PDLIM3: variants seen among roughly 807,000 people sequenced by gnomAD.
PDLIM3 encodes the protein PDZ and LIM domain protein 3.
Under a neutral mutation model 37.3 loss-of-function variants are expected in PDLIM3, and 36 were observed. The ratio of observed to expected loss-of-function variants is 0.97; its 90% CI spans 0.74 to 1.28. The LOEUF (loss-of-function observed/expected upper bound fraction) is 1.28. PDLIM3 is among the 50% of genes most tolerant of loss of function. The probability of loss-of-function intolerance (pLI) is 0.00; values close to 1 mark genes in which losing one functional copy is unlikely to be tolerated. For synonymous variants in PDLIM3, 174 were observed against 182.4 expected (o/e 0.95, Z 0.37); for missense variants, 454 against 485.0 (o/e 0.94, Z 0.60).
At chr4:185,532,546 C>A (rs577371719) in intron 1 of PDLIM3, among the ~76,000 whole-genome samples, 1 of 152,044 alleles carries the variant, frequency 6.6e-6, no homozygotes, top group African/African-American at 2.4e-5. Context: ...AGCAAAGACA[C>A]GTCAGGGAAA....
intron 1 of PDLIM3, 92 bp from the exon 2 acceptor site, chr4:185,525,263 TA>T (rs1318680443): frequency 1.6e-6 from 2 of 1,250,762 alleles, no homozygotes; most frequent in Non-Finnish European, 2.3e-6. Flanking sequence ...GGTAACATTT[TA>T]AATGTTTAAT....
At chr4:185,515,186 A>C (rs1227563465) in intron 3 of PDLIM3, 1 of 198,490 alleles carries the variant, frequency 5.0e-6, no homozygotes, top group East Asian at 1.2e-4. Flanking sequence ...TATAGCTTTA[A>C]GAAATTCTAA....
intron 1 of PDLIM3, among the ~76,000 whole-genome samples, chr4:185,534,062 T>C (rs2095749299): frequency 6.6e-6 from 1 of 152,200 alleles, no homozygotes; most frequent in Non-Finnish European, 1.5e-5. Context: ...AGGAACGTTT[T>C]TGGGGGTATG....
chr4:185,504,454 A>G lies in PDLIM3; in HGVS notation c.905+21T>C, dbSNP rs1289170146. 1.3e-6 allele frequency: 2 copies of G among 1,567,590 alleles called. No homozygotes were observed. The highest frequency in any genetic ancestry group is 1.8e-6 in the Non-Finnish European group (2 of 1,138,002). On this transcript the variant is annotated intron_variant, in intron 7 of 7. Transcript: ENST00000284767. This position sits in a 1 kb window ranked among gnomAD's most constrained non-coding sequence, Gnocchi z 4.7. ...GTCGCCAAGCTGTATCGTAAATTCC[A>G]GGGTTAAAAGTGAAACTTACACTAT...
intron 3 of PDLIM3, chr4:185,515,015 T>C (rs902030912): frequency 1.4e-6 from 1 of 725,172 alleles, no homozygotes; most frequent in Non-Finnish European, 2.2e-6. Flanking sequence ...ACGGAAAGAT[T>C]AGAGGAGGAG....
At chr4:185,511,687 A>G (rs181417224) in intron 4 of PDLIM3, among the ~76,000 whole-genome samples, 2 of 152,324 alleles carry the variant, frequency 1.3e-5, no homozygotes, top group East Asian at 3.9e-4. Flanking sequence ...ACTTTTGATT[A>G]AAGAAGTTCA....
At chr4:185,507,901 C>A (rs1008260259) in intron 5 of PDLIM3, among the ~76,000 whole-genome samples, 17 of 151,730 alleles carry the variant, frequency 1.1e-4, no homozygotes, top group African/African-American at 4.1e-4. Context: ...ATTTTTGATC[C>A]CCAAAGGACA....
chr4:185,532,054 C>T (rs1239186302), intron 1 of PDLIM3, among the ~76,000 whole-genome samples: 3 of 151,968 alleles, frequency 2.0e-5, no homozygotes, highest in African/African-American at 2.4e-5. Context: ...GGCGAGATCG[C>T]GCCACTGCAC....
At chr4:185,513,835 G>A in intron 4 of PDLIM3, 1 of 1,096,424 alleles carries the variant, frequency 9.1e-7, no homozygotes, top group South Asian at 2.6e-5. Context: ...TCTCTACTGA[G>A]AGACGAGAAG....
intron 7 of PDLIM3, among the ~76,000 whole-genome samples, chr4:185,503,793 C>A (rs1211452163): frequency 1.3e-5 from 2 of 152,058 alleles, no homozygotes; most frequent in Non-Finnish European, 2.9e-5. Context: ...ACCAAAAATA[C>A]AAAAATTAGC....
intron 6 of PDLIM3, among the ~76,000 whole-genome samples, chr4:185,506,197 G>C (rs946429965): frequency 1.1e-4 from 17 of 151,514 alleles, no homozygotes; most frequent in African/African-American, 4.2e-4. Flanking sequence ...CCAGAGTGTG[G>C]GGGGGAGGCT....
At chr4:185,505,482 G>A (rs1031821654) in intron 6 of PDLIM3, among the ~76,000 whole-genome samples, 6 of 152,128 alleles carry the variant, frequency 3.9e-5, no homozygotes, top group South Asian at 2.1e-4. Context: ...TTAGCCGGGC[G>A]CGGTGGTGGG....
chr4:185,519,160 T>A (rs774126348), intron 3 of PDLIM3, among the ~76,000 whole-genome samples: 6 of 152,236 alleles, frequency 3.9e-5, no homozygotes, highest in Non-Finnish European at 5.9e-5. Context: ...CAGGATTGCA[T>A]GGAAGGCATT....
At chr4:185,527,313 G>A (rs1038344660) in intron 1 of PDLIM3, among the ~76,000 whole-genome samples, 1 of 152,170 alleles carries the variant, frequency 6.6e-6, no homozygotes, top group Non-Finnish European at 1.5e-5. Context: ...TAATTCATTT[G>A]CTTTTTCTTT....
Position 185,514,210 on chromosome 4 carries a change from T to C in PDLIM3, c.398+60A>G. The C allele has an allele frequency of 6.2e-7, 1 of 1,614,084 alleles. No homozygotes were observed. Among genetic ancestry groups the C allele is most frequent in the Non-Finnish European group, 8.5e-7 (1 of 1,179,964 alleles). On this transcript the variant is annotated intron_variant, in intron 4 of 7. Coordinates refer to ENST00000284767, the MANE Select transcript of PDLIM3 (RefSeq NM_014476.6). This position sits in a 1 kb window ranked among gnomAD's most constrained non-coding sequence, Gnocchi z 4.0. ...ATCTACCAGTTACTTTTCTTGATGA[T>C]TAGTAAGAACTGATTTAAGAAGCAT... is the stretch of plus-strand genomic sequence containing the variant.
At chr4:185,519,910 T>C (rs961360970) in intron 3 of PDLIM3, among the ~76,000 whole-genome samples, 2 of 152,222 alleles carry the variant, frequency 1.3e-5, no homozygotes, top group Non-Finnish European at 2.9e-5. Context: ...CATGATAATA[T>C]TAATGGCATT....
chr4:185,523,095 AAAT>A lies in PDLIM3; in HGVS notation c.330+264_330+266del, dbSNP rs201738750. On this transcript the variant is annotated intron_variant, in intron 3 of 7. Coordinates refer to ENST00000284767, the MANE Select transcript of PDLIM3 (RefSeq NM_014476.6). ...CAGAAGTCCATTATAAGAAATGAAA[AAAT>A]AATAAGTGGACTCTGTAGATTTAGC... The A allele has an allele frequency of 9.3e-3, 2,809 of 302,286 alleles. 68 individuals are homozygous for A. The highest frequency in any genetic ancestry group is 0.058 in the African/African-American group (2,617 of 45,410). The allele number at this position is 302,286 out of a possible 1,614,324, so 18.7% of individuals were successfully genotyped here.
At chr4:185,515,494 A>G (rs2095713591) in intron 3 of PDLIM3, 1 of 152,202 alleles carries the variant, frequency 6.6e-6, no homozygotes, top group Admixed American at 6.5e-5. Flanking sequence ...AACACAAGTG[A>G]GAGACTCTTT....
At chr4:185,523,069 A>G in intron 3 of PDLIM3, 1 of 340,740 alleles carries the variant, frequency 2.9e-6, no homozygotes, top group Non-Finnish European at 5.4e-6. Context: ...CGGTCATTTC[A>G]CAGAAGTCCA....
Sources: gnomAD v4.1 joint callset for allele counts (sites outside exome capture counted in the v4.1 genomes callset) on GRCh38, gnomAD v4.1.1 for gene constraint, Gnocchi (gnomAD v3.1) non-coding constraint, MANE v1.5 for transcripts, NCBI Gene and HGNC (gene_info 2026-07-23, HGNC 2026-07-21) for gene names.